Variants in AGAP1 observed in about 807,000 individuals in gnomAD.
The protein encoded by AGAP1 is arf-GAP with GTPase, ANK repeat and PH domain-containing protein 1.
A neutral mutation model predicts 105.3 loss-of-function variants in AGAP1; 29 were observed. That is an observed-to-expected ratio of 0.28 (90% CI 0.21 to 0.38). The LOEUF (loss-of-function observed/expected upper bound fraction) is 0.38. Among genes scored for constraint, AGAP1 ranks in the 10% least tolerant of loss-of-function variants. The pLI, the probability that AGAP1 is intolerant of heterozygous loss-of-function variation, is 1.00. For missense variants in AGAP1, 998 were observed against 1,165.1 expected (o/e 0.86, Z 2.09); for synonymous variants, 509 against 485.9 (o/e 1.05, Z -0.63).
At chr2:235,534,209 G>T (rs1292631011) in intron 1 of AGAP1, among the ~76,000 whole-genome samples, 1 of 152,206 alleles carries the variant, frequency 6.6e-6, no homozygotes, top group East Asian at 1.9e-4. Context: ...TTGCCAGATG[G>T]TCGGTGTTCT....
chr2:236,049,108 C>T lies in AGAP1; in HGVS notation c.1941C>T (p.Cys647=). ...LNLGALMCIE[C]SGIHRNLGTH... is the part of the protein sequence containing the mutation. ...TGGGAGCCCTCATGTGCATCGAATG[C>T]TCAGGGATCCACCGGAATCTTGGCA... The change falls in exon 16 of 18, where the codon TGC becomes TGT. Residue 647 remains cysteine (C), a synonymous_variant. Transcript: ENST00000304032. The T allele has an allele frequency of 6.2e-7, 1 of 1,614,224 alleles. No homozygotes were observed. The highest frequency in any genetic ancestry group is 8.5e-7 in the Non-Finnish European group (1 of 1,180,036).
intron 3 of AGAP1, among the ~76,000 whole-genome samples, chr2:235,731,593 T>G (rs983982393): frequency 5.9e-5 from 9 of 152,224 alleles, no homozygotes; most frequent in African/African-American, 2.2e-4. Context: ...TTGCTTCTTC[T>G]GTTCATTGAA....
At chr2:235,829,328 G>A (rs1014304101) in intron 9 of AGAP1, among the ~76,000 whole-genome samples, 29 of 152,350 alleles carry the variant, frequency 1.9e-4, no homozygotes, top group Non-Finnish European at 3.8e-4. Flanking sequence ...CTTTATGTCC[G>A]TAATGTGATG....
chr2:235,948,687 A>T (rs11685511), intron 12 of AGAP1, among the ~76,000 whole-genome samples: 1 of 151,990 alleles, frequency 6.6e-6, no homozygotes, highest in Non-Finnish European at 1.5e-5. Context: ...ATAGAGAAGG[A>T]TGGGCAGAGG....
At chr2:236,057,559 C>G (rs1050554105) in intron 16 of AGAP1, among the ~76,000 whole-genome samples, 2 of 151,764 alleles carry the variant, frequency 1.3e-5, no homozygotes, top group African/African-American at 4.8e-5. Context: ...GAGCCCCCCC[C>G]TCAACCCCCG....
At chr2:236,054,089 G>A (rs2057984965) in intron 16 of AGAP1, among the ~76,000 whole-genome samples, 1 of 152,124 alleles carries the variant, frequency 6.6e-6, no homozygotes, top group South Asian at 2.1e-4. Flanking sequence ...GAACAAGTCT[G>A]CCCAGTGATG....
At chr2:235,756,023 AG>A (rs1168001574) in intron 6 of AGAP1, among the ~76,000 whole-genome samples, 9 of 152,204 alleles carry the variant, frequency 5.9e-5, no homozygotes, top group Admixed American at 1.3e-4. Flanking sequence ...AGGTAGCAAC[AG>A]GGCCCCTTTG....
Position 236,015,548 on chromosome 2 carries a change from A to T in AGAP1, c.1646-21013A>T, listed in dbSNP as rs988718642. On this transcript the variant is annotated intron_variant, in intron 13 of 17. Coordinates refer to ENST00000304032, the MANE Select transcript of AGAP1 (RefSeq NM_001037131.3). ...CCACCTTCATTTGAACAACATAATTATAAATTGCCTTTTTTTTTATGATTA... is the reference window on the plus strand; with the variant it reads ...CCACCTTCATTTGAACAACATAATTTTAAATTGCCTTTTTTTTTATGATTA... Among the ~76,000 whole-genome samples the T allele has an allele frequency of 2.0e-5, 3 of 146,476 alleles. No individual in the cohort carries two copies. The South Asian group carries it at 6.9e-4, about 33-fold the overall frequency.
intron 1 of AGAP1, among the ~76,000 whole-genome samples, chr2:235,696,614 A>C (rs994024156): frequency 6.6e-6 from 1 of 152,234 alleles, no homozygotes; most frequent in East Asian, 1.9e-4. Flanking sequence ...TTTGCTGAGC[A>C]TTACAACCTG....
At chr2:236,047,653 G>A (rs1176208220) in intron 15 of AGAP1, among the ~76,000 whole-genome samples, 11 of 125,690 alleles carry the variant, frequency 8.8e-5, no homozygotes, top group Non-Finnish European at 1.3e-4. Context: ...AGGCTGGAGT[G>A]CAGTGGCAGG....
rs1226015039 is a variant in AGAP1, at chr2:235,931,038, G to A, written c.1483+115G>A. The A allele has an allele frequency of 2.3e-5, 28 of 1,237,746 alleles. No individual in the cohort carries two copies. The highest frequency in any genetic ancestry group is 9.2e-5 in the African/African-American group (6 of 65,384). 76.7% of individuals were successfully genotyped at this position (1,237,746 alleles called of 1,614,324 possible). A position where few individuals can be genotyped will look rare whatever the true frequency, so the allele number is the denominator to read the frequency against. On this transcript the variant is annotated intron_variant, in intron 12 of 17. Coordinates refer to ENST00000304032, the MANE Select transcript of AGAP1 (RefSeq NM_001037131.3). The surrounding 1 kb of genome is among the most constrained non-coding windows in gnomAD (Gnocchi z 5.6). ...TGCTCCTCTGGGAGCGCAGCACCCT[G>A]TGGGGCGGCTGCATCAGAGACTCAC...
intron 1 of AGAP1, among the ~76,000 whole-genome samples, chr2:235,683,865 C>CCCT (rs1949231517): frequency 1.3e-5 from 2 of 148,604 alleles, no homozygotes; most frequent in Non-Finnish European, 1.5e-5. Context: ...GTCCCCCGCC[C>CCCT]GGCCCCAGTG....
At chr2:235,695,328 T>C (rs1949946464) in intron 1 of AGAP1, among the ~76,000 whole-genome samples, 1 of 152,152 alleles carries the variant, frequency 6.6e-6, no homozygotes, top group Non-Finnish European at 1.5e-5. Context: ...TAGATGCTCA[T>C]CGTAAAGACT....
intron 9 of AGAP1, among the ~76,000 whole-genome samples, chr2:235,822,530 G>A (rs955782598): frequency 6.6e-6 from 1 of 152,260 alleles, no homozygotes; most frequent in Admixed American, 6.5e-5. Context: ...CAAGAATGAA[G>A]AGAAGCTGAA....
Position 235,973,874 on chromosome 2 carries a change from A to C in AGAP1, c.1645+5251A>C, listed in dbSNP as rs2054754435. ...GGCCCTGGATTCCCAACCAGGTCCA[A>C]GTTCAAGGGTATGTGCCAGGGAAAA... On this transcript the variant is annotated intron_variant, in intron 13 of 17. Coordinates refer to ENST00000304032, the MANE Select transcript of AGAP1 (RefSeq NM_001037131.3). This position sits in a 1 kb window ranked among gnomAD's most constrained non-coding sequence, Gnocchi z 4.7. Among the ~76,000 whole-genome samples, 1 of 152,174 alleles carries C rather than the reference A, an allele frequency of 6.6e-6. No individual in the cohort carries two copies. The highest frequency in any genetic ancestry group is 6.5e-5 in the Admixed American group (1 of 15,274).
chr2:235,810,643 G>T lies in AGAP1; in HGVS notation c.1050+3312G>T, dbSNP rs13412266. 2.9e-3 allele frequency among the ~76,000 whole-genome samples: 436 copies of T among 152,110 alleles called. 2 individuals carry two copies. Among genetic ancestry groups the T allele is most frequent in the East Asian group, 0.02 (103 of 5,166 alleles). ...AAGCATCCAGGCTCCCCCCACCTCA[G>T]TGTGGGAGCTTGCCAAATCATGATG... On this transcript the variant is annotated intron_variant, in intron 9 of 17. Transcript: ENST00000304032.
chr2:235,598,433 A>G (rs1945614864), intron 1 of AGAP1, among the ~76,000 whole-genome samples: 1 of 152,220 alleles, frequency 6.6e-6, no homozygotes, highest in Non-Finnish European at 1.5e-5. Context: ...GTGACCAGAA[A>G]TAAGCCATAG....
chr2:235,946,981 T>G lies in AGAP1; in HGVS notation c.1483+16058T>G, dbSNP rs116308475. The stretch of plus-strand genomic sequence containing the variant: ...CTTCTGCGTGCCACCAGTCACCTTC[T>G]GACAGCCTTTGTCATCTACTCCTTC... On this transcript the variant is annotated intron_variant, in intron 12 of 17. Coordinates refer to ENST00000304032, the MANE Select transcript of AGAP1 (RefSeq NM_001037131.3). Among the ~76,000 whole-genome samples the G allele has an allele frequency of 7.0e-3, 1,059 of 152,334 alleles. 8 individuals carry two copies. Among genetic ancestry groups the G allele is most frequent in the African/African-American group, 0.023 (968 of 41,586 alleles).
chr2:235,688,385 A>G (rs1208028344), intron 1 of AGAP1, among the ~76,000 whole-genome samples: 1 of 152,038 alleles, frequency 6.6e-6, no homozygotes, highest in Non-Finnish European at 1.5e-5. Context: ...CTTTCCCAAC[A>G]TTGTTTTTTT....
Sources: allele counts gnomAD v4.1 joint callset (sites outside exome capture counted in the v4.1 genomes callset), GRCh38; gene constraint gnomAD v4.1.1; non-coding constraint Gnocchi (gnomAD v3.1); transcripts MANE v1.5; gene names NCBI Gene and HGNC (gene_info 2026-07-23, HGNC 2026-07-21).